OSBPL6: variants seen among roughly 807,000 people sequenced by gnomAD.
The protein encoded by OSBPL6 is oxysterol-binding protein-related protein 6.
A neutral mutation model predicts 125.8 loss-of-function variants in OSBPL6; 49 were observed. That is an observed-to-expected ratio of 0.39 (90% CI 0.31 to 0.49). OSBPL6 has a LOEUF of 0.49. Ranked by LOEUF, OSBPL6 falls within the 20% of genes least tolerant of loss-of-function variation. OSBPL6 has a pLI of 0.88. For synonymous variants in OSBPL6, 394 were observed against 391.8 expected (o/e 1.01, Z -0.07); for missense variants, 986 against 1,135.4 (o/e 0.87, Z 1.89).
intron 3 of OSBPL6, among the ~76,000 whole-genome samples, chr2:178,313,458 A>G (rs1023422026): frequency 6.6e-6 from 1 of 152,158 alleles, no homozygotes; most frequent in Non-Finnish European, 1.5e-5. Flanking sequence ...ACCAGGTTAG[A>G]CCTTGTAAAT....
intron 1 of OSBPL6, among the ~76,000 whole-genome samples, chr2:178,243,322 T>G (rs958108258): frequency 1.3e-5 from 2 of 152,226 alleles, no homozygotes; most frequent in South Asian, 4.1e-4. Context: ...CTGTTTCACT[T>G]AATCCTACCA....
intron 2 of OSBPL6, among the ~76,000 whole-genome samples, chr2:178,303,422 A>G (rs1293063999): frequency 6.6e-6 from 1 of 152,204 alleles, no homozygotes; most frequent in Non-Finnish European, 1.5e-5. Flanking sequence ...GGTATTCTCT[A>G]TAAACAGGTG....
chr2:178,387,300 A>G (rs773610057), intron 20 of OSBPL6, among the ~76,000 whole-genome samples, 161 bp downstream of exon 20: 26 of 152,262 alleles, frequency 1.7e-4, no homozygotes, highest in Non-Finnish European at 3.4e-4. Flanking sequence ...AAAACAAATG[A>G]GAACTTAAGC....
At chr2:178,368,693 TA>T (rs895862680) in intron 13 of OSBPL6, among the ~76,000 whole-genome samples, 51 of 146,976 alleles carry the variant, frequency 3.5e-4, no homozygotes, top group South Asian at 1.9e-3. Context: ...TTGCCATCAT[TA>T]AAAAAAAAAT....
At chr2:178,280,170 C>G (rs770465717) in intron 1 of OSBPL6, among the ~76,000 whole-genome samples, 5 of 151,700 alleles carry the variant, frequency 3.3e-5, no homozygotes, top group Non-Finnish European at 7.4e-5. Flanking sequence ...TGTACTCCAG[C>G]CTGGCAATAG....
At chr2:178,227,457 A>G (rs765775696) in intron 1 of OSBPL6, among the ~76,000 whole-genome samples, 5 of 152,220 alleles carry the variant, frequency 3.3e-5, no homozygotes, top group Non-Finnish European at 5.9e-5. Context: ...AGGTTTACAT[A>G]TAAAATAAAT....
intron 3 of OSBPL6, among the ~76,000 whole-genome samples, chr2:178,317,395 C>T (rs985873049): frequency 1.5e-4 from 22 of 142,924 alleles, no homozygotes; most frequent in Non-Finnish European, 2.3e-4. Context: ...TTTGATCTCA[C>T]GGTAATTTAA....
At chr2:178,234,911 G>A (rs1213468286) in intron 1 of OSBPL6, among the ~76,000 whole-genome samples, 2 of 152,184 alleles carry the variant, frequency 1.3e-5, no homozygotes, top group African/African-American at 4.8e-5. Context: ...GTTTCAGAGA[G>A]ATTGGCCTTG....
chr2:178,201,321 G>A (rs2089247884), intron 1 of OSBPL6, among the ~76,000 whole-genome samples: 1 of 152,138 alleles, frequency 6.6e-6, no homozygotes, highest in Non-Finnish European at 1.5e-5. Flanking sequence ...ATTTTCCAAT[G>A]TAGTGATTCT....
rs945784343 is a variant in OSBPL6, at chr2:178,367,419, TA to T, written c.1288-4703del. 8.8e-4 allele frequency among the ~76,000 whole-genome samples: 134 copies of T among 152,376 alleles called. 1 individual carries two copies. Among genetic ancestry groups the T allele is most frequent in the African/African-American group, 3.2e-3 (134 of 41,594 alleles). On this transcript the variant is annotated intron_variant, in intron 13 of 24. Coordinates refer to ENST00000190611, the MANE Select transcript of OSBPL6 (RefSeq NM_032523.4). ...CTTTTGAACCAGTTTTATTTTTATC[TA>T]AAATGTTTAAATTTATGATGATTTC...
chr2:178,367,518 A>G (rs1002873158), intron 13 of OSBPL6, among the ~76,000 whole-genome samples: 1 of 152,102 alleles, frequency 6.6e-6, no homozygotes, highest in African/African-American at 2.4e-5. Flanking sequence ...CCACATTTCC[A>G]TTTAGTAAAA....
At chr2:178,324,350 C>T in intron 4 of OSBPL6, 81 bp downstream of exon 4, 1 of 1,028,616 alleles carries the variant, frequency 9.7e-7, no homozygotes, top group South Asian at 1.6e-5. Flanking sequence ...ACGTTTACAC[C>T]TGACTCCCCT....
At chr2:178,349,410 C>T (rs1415540378) in intron 12 of OSBPL6, 21 bp downstream of exon 12, 3 of 1,608,420 alleles carry the variant, frequency 1.9e-6, no homozygotes, top group Non-Finnish European at 2.6e-6. Flanking sequence ...AAATAATGCG[C>T]CCTTTAAAGA....
chr2:178,374,063 C>G, intron 15 of OSBPL6, 36 bp downstream of exon 15: 1 of 1,599,662 alleles, frequency 6.3e-7, no homozygotes, highest in East Asian at 2.2e-5. Flanking sequence ...GCCTCAACAT[C>G]TTGTGACTGA....
intron 1 of OSBPL6, among the ~76,000 whole-genome samples, chr2:178,263,839 G>A (rs564374271): frequency 7.9e-5 from 12 of 151,474 alleles, no homozygotes; most frequent in Non-Finnish European, 1.5e-4. Context: ...GTGTGTGTGC[G>A]TGTACACAGG....
chr2:178,340,296 G>C (rs1386592292), intron 11 of OSBPL6, among the ~76,000 whole-genome samples: 1 of 151,938 alleles, frequency 6.6e-6, no homozygotes, highest in Non-Finnish European at 1.5e-5. Context: ...GTTTGCTCCT[G>C]GGTAAAGTAA....
In OSBPL6 at chr2:178,217,335, C is replaced by CT. The variant is rs146429983; in HGVS notation, c.-351+22662dup. ...AAGAACTGTTTTGAATTGCAGGAAA[C>CT]TGAGAGGCATGACAAATACCATGAA... On this transcript the variant is annotated intron_variant, in intron 1 of 24. Coordinates refer to ENST00000190611, the MANE Select transcript of OSBPL6 (RefSeq NM_032523.4). 2.6e-5 allele frequency among the ~76,000 whole-genome samples: 4 copies of CT among 152,298 alleles called. No individual in the cohort carries two copies. The East Asian group carries it at 7.7e-4, about 29-fold the overall frequency.
At chr2:178,365,349 A>T (rs1692733131) in intron 13 of OSBPL6, among the ~76,000 whole-genome samples, 1 of 152,252 alleles carries the variant, frequency 6.6e-6, no homozygotes, top group African/African-American at 2.4e-5. Context: ...GGCACATAGC[A>T]GATAAAATAC....
At chr2:178,246,267 T>G (rs1340145792) in intron 1 of OSBPL6, among the ~76,000 whole-genome samples, 2 of 152,210 alleles carry the variant, frequency 1.3e-5, no homozygotes, top group Non-Finnish European at 2.9e-5. Flanking sequence ...ACCAGGGCTA[T>G]CTGAGTTCCC....
Sources: allele counts gnomAD v4.1 joint callset (sites outside exome capture counted in the v4.1 genomes callset), GRCh38; gene constraint gnomAD v4.1.1; transcripts MANE v1.5; gene names NCBI Gene and HGNC (gene_info 2026-07-23, HGNC 2026-07-21).